Variants in MARCHF11 observed in about 807,000 individuals in gnomAD.
MARCHF11 encodes the protein E3 ubiquitin-protein ligase MARCHF11.
In MARCHF11, 29 loss-of-function variants were observed where a neutral mutation model predicts 37.3. That is an observed-to-expected ratio of 0.78 (90% CI 0.58 to 1.06). The LOEUF (loss-of-function observed/expected upper bound fraction) is 1.06, where lower values mean the gene tolerates loss of function less well. Ranked by LOEUF, MARCHF11 falls within the 50% of genes least tolerant of loss-of-function variation. The pLI, the probability that MARCHF11 is intolerant of heterozygous loss-of-function variation, is 0.00. For synonymous variants in MARCHF11, 233 were observed against 228.0 expected (o/e 1.02, Z -0.20); for missense variants, 482 against 533.4 (o/e 0.90, Z 0.95).
At chr5:16,143,065 G>A (rs1737743857) in intron 2 of MARCHF11, among the ~76,000 whole-genome samples, 1 of 151,870 alleles carries the variant, frequency 6.6e-6, no homozygotes, top group African/African-American at 2.4e-5. Context: ...ATGGATAAAA[G>A]CAAATAGTAT....
At chr5:16,160,679 A>C (rs1273145014) in intron 2 of MARCHF11, among the ~76,000 whole-genome samples, 1 of 151,966 alleles carries the variant, frequency 6.6e-6, no homozygotes, top group Non-Finnish European at 1.5e-5. Flanking sequence ...AAGTGGAATA[A>C]AGAAAATGGA....
intron 3 of MARCHF11, among the ~76,000 whole-genome samples, chr5:16,079,536 T>G (rs1736571936): frequency 6.6e-6 from 1 of 152,194 alleles, no homozygotes; most frequent in African/African-American, 2.4e-5. Context: ...TCTCTGCACT[T>G]ACTCTTCATC....
chr5:16,068,609 C>G (rs867045552), intron 3 of MARCHF11, among the ~76,000 whole-genome samples: 2 of 152,294 alleles, frequency 1.3e-5, no homozygotes, highest in Middle Eastern at 3.4e-3. Flanking sequence ...TAAAGTAATA[C>G]AGCAAACTTG....
intron 3 of MARCHF11, among the ~76,000 whole-genome samples, chr5:16,068,829 G>A (rs1414089407): frequency 6.6e-6 from 1 of 152,220 alleles, no homozygotes; most frequent in African/African-American, 2.4e-5. Context: ...TGAGGAGGCT[G>A]AAAGTCCACT....
intron 2 of MARCHF11, among the ~76,000 whole-genome samples, chr5:16,108,403 G>A (rs1737081280): frequency 6.6e-6 from 1 of 152,192 alleles, no homozygotes; most frequent in African/African-American, 2.4e-5. Flanking sequence ...CCGTTTCAAA[G>A]GTGCCCTTTA....
chr5:16,126,562 T>C (rs1737412619), intron 2 of MARCHF11, among the ~76,000 whole-genome samples: 1 of 152,338 alleles, frequency 6.6e-6, no homozygotes, highest in East Asian at 1.9e-4. Context: ...AGACATTTTA[T>C]AAAGAAGAAC....
At chr5:16,149,519 A>G (rs1225007559) in intron 2 of MARCHF11, among the ~76,000 whole-genome samples, 1 of 151,974 alleles carries the variant, frequency 6.6e-6, no homozygotes, top group East Asian at 1.9e-4. Context: ...ATACCCTAAG[A>G]CCCATTGTCA....
At chr5:16,121,147 T>C (rs1240057584) in intron 2 of MARCHF11, among the ~76,000 whole-genome samples, 1 of 152,238 alleles carries the variant, frequency 6.6e-6, no homozygotes. Context: ...ACAGCCAACA[T>C]GTATCACTCC....
chr5:16,116,895 T>C (rs1737234743), intron 2 of MARCHF11, among the ~76,000 whole-genome samples: 2 of 152,210 alleles, frequency 1.3e-5, no homozygotes, highest in South Asian at 4.1e-4. Context: ...TAAGACTTAT[T>C]TCAAGTACAG....
intron 2 of MARCHF11, among the ~76,000 whole-genome samples, chr5:16,125,619 CTGTGTGTGTGTG>C (rs34769733): frequency 0.34 from 48,920 of 142,182 alleles, 8,418 homozygotes; most frequent in East Asian, 0.52. Context: ...GGCACACTCT[CTGTGTGTGTGTG>C]TGTGTGTGTG....
At chr5:16,162,119 A>C (rs1242229710) in intron 2 of MARCHF11, among the ~76,000 whole-genome samples, 2 of 152,064 alleles carry the variant, frequency 1.3e-5, no homozygotes, top group Non-Finnish European at 2.9e-5. Flanking sequence ...AATGCTTAAA[A>C]TGGCAACATA....
chr5:16,159,238 T>C lies in MARCHF11; in HGVS notation c.693+18488A>G, dbSNP rs1012986554. Among the ~76,000 whole-genome samples the C allele has an allele frequency of 3.0e-4, 46 of 151,410 alleles. 1 individual carries two copies. The highest frequency in any genetic ancestry group is 1.1e-3 in the African/African-American group (45 of 41,178). On this transcript the variant is annotated intron_variant, in intron 2 of 3. Transcript: ENST00000332432. ...AATAAGTTTTATGGACACACCATCATACAACAGAAGCTTCCTGCTCCTAAA... is the reference window on the plus strand; with the variant it reads ...AATAAGTTTTATGGACACACCATCACACAACAGAAGCTTCCTGCTCCTAAA...
intron 2 of MARCHF11, among the ~76,000 whole-genome samples, chr5:16,130,633 A>C (rs62350170): frequency 6.6e-6 from 1 of 152,158 alleles, no homozygotes; most frequent in Non-Finnish European, 1.5e-5. Flanking sequence ...GGACAAACAA[A>C]AATAGCAATT....
chr5:16,130,310 C>A (rs914265034), intron 2 of MARCHF11, among the ~76,000 whole-genome samples: 3 of 151,462 alleles, frequency 2.0e-5, no homozygotes, highest in Non-Finnish European at 4.4e-5. Flanking sequence ...TTTTGTTAAC[C>A]TTTACTCTGT....
In MARCHF11 at chr5:16,164,977, T is replaced by C. The variant is rs557701912; in HGVS notation, c.693+12749A>G. ...CTGAGACTCTCCAATAACTTCCCACTGCTCTTGAATGAAACTCCAATTCCT... is the reference window on the plus strand; with the variant it reads ...CTGAGACTCTCCAATAACTTCCCACCGCTCTTGAATGAAACTCCAATTCCT... On this transcript the variant is annotated intron_variant, in intron 2 of 3. Coordinates refer to ENST00000332432, the MANE Select transcript of MARCHF11 (RefSeq NM_001102562.3). Among the ~76,000 whole-genome samples, 4 of 152,186 alleles carry C rather than the reference T, an allele frequency of 2.6e-5. No individual in the cohort carries two copies. The East Asian group carries it at 7.8e-4, about 30-fold the overall frequency.
intron 3 of MARCHF11, among the ~76,000 whole-genome samples, chr5:16,083,700 G>A (rs116752946): frequency 0.014 from 2,110 of 152,212 alleles, 39 homozygotes; most frequent in African/African-American, 0.043. Context: ...GAGAGATACC[G>A]GAGGGCATGA....
rs79517370 is a variant in MARCHF11 at position 16,130,664 on chromosome 5, G to A, written c.694-39583C>T. On this transcript the variant is annotated intron_variant, in intron 2 of 3. Coordinates refer to ENST00000332432, the MANE Select transcript of MARCHF11 (RefSeq NM_001102562.3). ...CAATTTTATCAGTGTAAACAACCCA[G>A]AAGTGTCATTGAATGGAGTCAGGAA... 3.4e-3 allele frequency among the ~76,000 whole-genome samples: 515 copies of A among 152,244 alleles called. 8 individuals carry two copies. Among genetic ancestry groups the A allele is most frequent in the African/African-American group, 0.012 (495 of 41,572 alleles).
intron 2 of MARCHF11, among the ~76,000 whole-genome samples, chr5:16,172,618 CAG>C (rs1738288853): frequency 6.6e-6 from 1 of 152,190 alleles, no homozygotes; most frequent in Non-Finnish European, 1.5e-5. Flanking sequence ...AATGCCAATA[CAG>C]TTCATGCTCT....
chr5:16,178,189 G>A (rs1738396046), intron 1 of MARCHF11, among the ~76,000 whole-genome samples: 1 of 152,162 alleles, frequency 6.6e-6, no homozygotes, highest in Non-Finnish European at 1.5e-5. Context: ...TTAAGTGGAT[G>A]GTCAGATGCA....
Sources: gnomAD v4.1 joint callset for allele counts (sites outside exome capture counted in the v4.1 genomes callset) on GRCh38, gnomAD v4.1.1 for gene constraint, MANE v1.5 for transcripts, NCBI Gene and HGNC (gene_info 2026-07-23, HGNC 2026-07-21) for gene names.